The following RASSF8 variants were observed in gnomAD, a reference collection of about 807,000 sequenced individuals.
RASSF8 encodes the protein ras association domain-containing protein 8.
RASSF8 carries 22 observed loss-of-function variants against 48.5 expected under a neutral mutation model. The observed-to-expected ratio is 0.45, with a 90% CI of 0.32 to 0.65. The LOEUF (loss-of-function observed/expected upper bound fraction) is 0.65, where lower values mean the gene tolerates loss of function less well. Among genes scored for constraint, RASSF8 ranks in the 30% least tolerant of loss-of-function variants. The pLI is 0.03. For missense variants in RASSF8, 418 were observed against 489.2 expected (o/e 0.85, Z 1.37); for synonymous variants, 127 against 171.5 (o/e 0.74, Z 2.03).
chr12:26,059,091 G>A (rs1268912465), intron 3 of RASSF8, among the ~76,000 whole-genome samples: 1 of 152,172 alleles, frequency 6.6e-6, no homozygotes, highest in Non-Finnish European at 1.5e-5. Context: ...GAAACAGAAA[G>A]CCTTTGACAG....
chr12:26,036,900 A>AGC, intron 2 of RASSF8, among the ~76,000 whole-genome samples: 1 of 152,080 alleles, frequency 6.6e-6, no homozygotes, highest in East Asian at 1.9e-4. Context: ...TGGGCGACAG[A>AGC]GCAAGACTCC....
intron 5 of RASSF8, 92 bp downstream of exon 5, chr12:26,067,805 C>A: frequency 6.6e-7 from 1 of 1,510,108 alleles, no homozygotes; most frequent in Non-Finnish European, 9.1e-7. Flanking sequence ...CACTGTATCG[C>A]CCAGGCTGGA....
intron 1 of RASSF8, among the ~76,000 whole-genome samples, chr12:25,974,790 C>G (rs1941566792): frequency 6.6e-6 from 1 of 152,086 alleles, no homozygotes; most frequent in South Asian, 2.1e-4. Flanking sequence ...CTCTTCCAGA[C>G]ATATTGACCA....
chr12:26,061,209 C>G (rs1488835303), intron 3 of RASSF8, among the ~76,000 whole-genome samples: 1 of 152,056 alleles, frequency 6.6e-6, no homozygotes, highest in East Asian at 1.9e-4. Context: ...TGGTTGAATT[C>G]AGGGCATAAA....
At chr12:25,960,763 T>TTATG (rs1941212534) in intron 1 of RASSF8, among the ~76,000 whole-genome samples, 1 of 152,194 alleles carries the variant, frequency 6.6e-6, no homozygotes, top group Non-Finnish European at 1.5e-5. Flanking sequence ...TGATCAAATC[T>TTATG]TATGTCTGGG....
At chr12:26,056,013 C>T (rs943762638) in intron 3 of RASSF8, among the ~76,000 whole-genome samples, 33 of 152,094 alleles carry the variant, frequency 2.2e-4, no homozygotes, top group African/African-American at 7.5e-4. Flanking sequence ...TGGTCAAACC[C>T]GTCTTTAATA....
chr12:25,977,146 A>G (rs1443739747), intron 1 of RASSF8, among the ~76,000 whole-genome samples: 1 of 152,242 alleles, frequency 6.6e-6, no homozygotes, highest in Non-Finnish European at 1.5e-5. Context: ...GAGATTAGCA[A>G]CATTGTCATT....
chr12:25,970,153 T>A (rs899759130), intron 1 of RASSF8, among the ~76,000 whole-genome samples: 1 of 151,614 alleles, frequency 6.6e-6, no homozygotes, highest in Non-Finnish European at 1.5e-5. Flanking sequence ...CTGAAAGGAG[T>A]TCACATCCTA....
chr12:25,997,389 G>T (rs564397725), intron 2 of RASSF8, among the ~76,000 whole-genome samples: 8 of 152,220 alleles, frequency 5.3e-5, no homozygotes, highest in Non-Finnish European at 1.2e-4. Context: ...ACATATGGCA[G>T]TAATGTACTG....
intron 3 of RASSF8, among the ~76,000 whole-genome samples, chr12:26,061,681 T>TCAGA (rs1943746880): frequency 6.6e-6 from 1 of 152,172 alleles, no homozygotes; most frequent in South Asian, 2.1e-4. Flanking sequence ...GCAGGAGGAA[T>TCAGA]CAGAATCTGT....
intron 1 of RASSF8, among the ~76,000 whole-genome samples, chr12:25,993,659 A>G (rs1267043066): frequency 7.2e-5 from 11 of 152,280 alleles, no homozygotes; most frequent in Middle Eastern, 3.4e-3. Flanking sequence ...GGCACCGTCC[A>G]CAGACAGGCT....
chr12:26,067,244 A>T (rs1174151827), intron 4 of RASSF8, among the ~76,000 whole-genome samples: 2 of 152,102 alleles, frequency 1.3e-5, no homozygotes, highest in African/African-American at 4.8e-5. Context: ...TGAGAAACCC[A>T]TTTTTGTTTT....
intron 2 of RASSF8, among the ~76,000 whole-genome samples, chr12:26,048,145 A>T (rs530873171): frequency 6.6e-6 from 1 of 152,222 alleles, no homozygotes; most frequent in Admixed American, 6.5e-5. Flanking sequence ...ACTTATATTT[A>T]AAAATGGATG....
At chr12:26,030,808 T>G (rs1443401979) in intron 2 of RASSF8, among the ~76,000 whole-genome samples, 2 of 152,302 alleles carry the variant, frequency 1.3e-5, no homozygotes, top group Admixed American at 6.5e-5. Flanking sequence ...TGCCTGGTTT[T>G]GGGGCTAGGT....
Position 26,070,810 on chromosome 12 carries a change from G to A in RASSF8, c.*1992G>A, listed in dbSNP as rs1943983506. On this transcript the variant is annotated 3_prime_UTR_variant, in exon 6 of 6. Transcript: ENST00000689635. ...TTTAAGTCAAAATGTTAAACTGGAG[G>A]CAGTATTAAACTTTGCAATTAGGAG... The A allele has an allele frequency of 1.0e-5, 10 of 983,042 alleles. No individual in the cohort carries two copies. Among genetic ancestry groups the A allele is most frequent in the South Asian group, 4.7e-5 (1 of 21,226 alleles). The allele number at this position is 983,042 out of a possible 1,614,324, so 60.9% of individuals were successfully genotyped here.
At chr12:25,991,628 G>A (rs773906179) in intron 1 of RASSF8, among the ~76,000 whole-genome samples, 77 of 152,240 alleles carry the variant, frequency 5.1e-4, no homozygotes, top group Middle Eastern at 3.4e-3. Context: ...CTGGTTGTTG[G>A]CAGAAGGCCT....
rs1281458662 is a variant in RASSF8 at position 26,072,356 on chromosome 12, T to C, written c.*3538T>C. 1.0e-6 allele frequency: 1 copy of C among 985,298 alleles called. No homozygotes were observed. Among genetic ancestry groups the C allele is most frequent in the Admixed American group, 6.1e-5 (1 of 16,266 alleles). 61.0% of individuals were successfully genotyped at this position (985,298 alleles called of 1,614,324 possible). On this transcript the variant is annotated 3_prime_UTR_variant, in exon 6 of 6. Coordinates refer to ENST00000689635, the MANE Select transcript of RASSF8 (RefSeq NM_001394098.1). Reference sequence around the variant, plus strand: ...CACTATTTATTCAGTATTGCTGCTTTACATCTCCAGAATAAGCTTTCGATG... The same window carrying C: ...CACTATTTATTCAGTATTGCTGCTTCACATCTCCAGAATAAGCTTTCGATG...
intron 2 of RASSF8, among the ~76,000 whole-genome samples, chr12:26,044,411 GT>G (rs1243663234): frequency 1.3e-5 from 2 of 152,100 alleles, no homozygotes; most frequent in African/African-American, 4.8e-5. Flanking sequence ...AAAAACTAGG[GT>G]TTTTCCCTCC....
chr12:26,027,044 T>G (rs1374027147), intron 2 of RASSF8, among the ~76,000 whole-genome samples: 2 of 152,200 alleles, frequency 1.3e-5, no homozygotes, highest in Non-Finnish European at 2.9e-5. Flanking sequence ...AAATATTATT[T>G]GGCAATAAAA....
Sources: allele counts gnomAD v4.1 joint callset (sites outside exome capture counted in the v4.1 genomes callset), GRCh38; gene constraint gnomAD v4.1.1; transcripts MANE v1.5; gene names NCBI Gene and HGNC (gene_info 2026-07-23, HGNC 2026-07-21).